SDCCAG8: variants seen among roughly 807,000 people sequenced by gnomAD.
The protein encoded by SDCCAG8 is serologically defined colon cancer antigen 8.
Under a neutral mutation model 101.8 loss-of-function variants are expected in SDCCAG8, and 74 were observed. That is an observed-to-expected ratio of 0.73 (90% confidence interval 0.60 to 0.88). The LOEUF (loss-of-function observed/expected upper bound fraction) is 0.88, where lower values mean the gene tolerates loss of function less well. SDCCAG8 is among the 40% of genes least tolerant of loss of function. The pLI, the probability that SDCCAG8 is intolerant of heterozygous loss-of-function variation, is 0.00. For synonymous variants in SDCCAG8, 281 were observed against 292.9 expected, an observed-to-expected ratio of 0.96 and a Z score of 0.41; for missense variants, 787 against 822.6, an observed-to-expected ratio of 0.96 and a Z score of 0.53.
chr1:243,487,338 G>T (rs1446203634), intron 16 of SDCCAG8, among the ~76,000 whole-genome samples: 1 of 152,254 alleles, frequency 6.6e-6, no homozygotes, highest in East Asian at 1.9e-4. Context: ...TCCCAGGAAA[G>T]GCTGCCTCAG....
intron 8 of SDCCAG8, among the ~76,000 whole-genome samples, chr1:243,313,500 C>T (rs2072952256): frequency 6.6e-6 from 1 of 152,116 alleles, no homozygotes; most frequent in South Asian, 2.1e-4. Context: ...TGCTTTTCAC[C>T]CCAGAACACT....
At chr1:243,353,157 A>T (rs555462009) in intron 12 of SDCCAG8, among the ~76,000 whole-genome samples, 1 of 152,220 alleles carries the variant, frequency 6.6e-6, no homozygotes, top group African/African-American at 2.4e-5. Context: ...AGGCATGGGA[A>T]TTTGGGAGGG....
intron 16 of SDCCAG8, among the ~76,000 whole-genome samples, chr1:243,453,073 G>A (rs2083483194): frequency 6.6e-6 from 1 of 152,238 alleles, no homozygotes; most frequent in African/African-American, 2.4e-5. Flanking sequence ...ATTAGGCATT[G>A]TGAAGTAGAA....
At chr1:243,437,253 G>T (rs1156248722) in intron 16 of SDCCAG8, among the ~76,000 whole-genome samples, 1 of 152,058 alleles carries the variant, frequency 6.6e-6, no homozygotes. Flanking sequence ...GCTTTATTTT[G>T]CACCTTCTAA....
At chr1:243,304,674 A>G (rs2071900670) in intron 6 of SDCCAG8, 39 bp from the exon 7 acceptor site, 1 of 1,079,428 alleles carries the variant, frequency 9.3e-7, no homozygotes, top group African/African-American at 1.6e-5. Context: ...AAAATACAGG[A>G]CATAGAGAAA....
chr1:243,289,764 G>A (rs1160951905), intron 5 of SDCCAG8, among the ~76,000 whole-genome samples: 1 of 152,088 alleles, frequency 6.6e-6, no homozygotes, highest in Non-Finnish European at 1.5e-5. Context: ...AAATTATACC[G>A]CCTTTCTGCA....
intron 15 of SDCCAG8, among the ~76,000 whole-genome samples, chr1:243,422,306 T>C (rs1229163300): frequency 6.6e-6 from 1 of 152,218 alleles, no homozygotes; most frequent in African/African-American, 2.4e-5. Flanking sequence ...TTCACTTCTA[T>C]CTTGTTAATT....
At chr1:243,461,520 T>C (rs1659098396) in intron 16 of SDCCAG8, among the ~76,000 whole-genome samples, 1 of 152,096 alleles carries the variant, frequency 6.6e-6, no homozygotes, top group Admixed American at 6.5e-5. Flanking sequence ...ACTTTCAGAG[T>C]CTTTAAGAGG....
At chr1:243,291,187 A>G (rs867465747) in intron 5 of SDCCAG8, among the ~76,000 whole-genome samples, 1 of 152,228 alleles carries the variant, frequency 6.6e-6, no homozygotes. Flanking sequence ...CAAGTGCTCA[A>G]TAATTATTTG....
At chr1:243,367,158 G>A (rs1184167141) in intron 12 of SDCCAG8, among the ~76,000 whole-genome samples, 1 of 151,938 alleles carries the variant, frequency 6.6e-6, no homozygotes, top group African/African-American at 2.4e-5. Context: ...ATGTTTTCCT[G>A]CATTTTGGGT....
Position 243,474,716 on chromosome 1 carries a change from G to T in SDCCAG8, c.1986-14298G>T, listed in dbSNP as rs116369864. On this transcript the variant is annotated intron_variant, in intron 16 of 17. Transcript: ENST00000366541. The surrounding 1 kb of genome is among the most constrained non-coding windows in gnomAD (Gnocchi z 4.7). Reference sequence around the variant, plus strand: ...TTGCCCAGCGTGGGGTGGAAGGCAGGCTGGGAGCTCCCGGGACGCGGCGTG... The same window carrying T: ...TTGCCCAGCGTGGGGTGGAAGGCAGTCTGGGAGCTCCCGGGACGCGGCGTG... 5.8e-4 allele frequency among the ~76,000 whole-genome samples: 88 copies of T among 152,364 alleles called. No individual in the cohort carries two copies. Among genetic ancestry groups the T allele is most frequent in the Non-Finnish European group, 1.2e-3 (82 of 68,036 alleles).
At chr1:243,480,818 G>C (rs1452411870) in intron 16 of SDCCAG8, among the ~76,000 whole-genome samples, 16 of 105,326 alleles carry the variant, frequency 1.5e-4, no homozygotes, top group Non-Finnish European at 4.0e-5. Context: ...GGATGGGTGG[G>C]ATGGATGGAT....
At chr1:243,465,224 A>G (rs549930617) in intron 16 of SDCCAG8, among the ~76,000 whole-genome samples, 5 of 152,332 alleles carry the variant, frequency 3.3e-5, no homozygotes, top group Non-Finnish European at 2.9e-5. Context: ...TTCCTGCCCA[A>G]GCCTGCTTCA....
At chr1:243,459,798 T>G (rs1199078968) in intron 16 of SDCCAG8, among the ~76,000 whole-genome samples, 24 of 152,046 alleles carry the variant, frequency 1.6e-4, no homozygotes, top group African/African-American at 7.2e-5. Flanking sequence ...GGTGATGAGG[T>G]CTCACTACAT....
At chr1:243,422,156 A>G (rs374918325) in intron 15 of SDCCAG8, among the ~76,000 whole-genome samples, 1 of 152,156 alleles carries the variant, frequency 6.6e-6, no homozygotes, top group East Asian at 1.9e-4. Context: ...CTTTTCTGTC[A>G]TTGTCACTTT....
At chr1:243,418,333 A>T (rs1450176155) in intron 15 of SDCCAG8, among the ~76,000 whole-genome samples, 1 of 152,202 alleles carries the variant, frequency 6.6e-6, no homozygotes, top group Non-Finnish European at 1.5e-5. Context: ...ATTTCAGGAA[A>T]GAAGGATCAA....
chr1:243,296,018 C>A (rs1300974977), intron 6 of SDCCAG8, among the ~76,000 whole-genome samples: 1 of 151,876 alleles, frequency 6.6e-6, no homozygotes, highest in Admixed American at 6.6e-5. Context: ...TTTTTTGAGA[C>A]GGGATCTAGC....
At chr1:243,404,695 A>G (rs907683076) in intron 13 of SDCCAG8, among the ~76,000 whole-genome samples, 1 of 152,162 alleles carries the variant, frequency 6.6e-6, no homozygotes, top group Non-Finnish European at 1.5e-5. Context: ...AAAATGGACT[A>G]CAGTGGTCTT....
chr1:243,314,607 T>C (rs2451667), intron 8 of SDCCAG8, among the ~76,000 whole-genome samples: 1 of 152,178 alleles, frequency 6.6e-6, no homozygotes, highest in Non-Finnish European at 1.5e-5. Context: ...ATTCTGAAAA[T>C]AGATAAAGTC....
Sources: gnomAD v4.1 joint callset for allele counts (sites outside exome capture counted in the v4.1 genomes callset) on GRCh38, gnomAD v4.1.1 for gene constraint, Gnocchi (gnomAD v3.1) non-coding constraint, MANE v1.5 for transcripts, NCBI Gene and HGNC (gene_info 2026-07-23, HGNC 2026-07-21) for gene names.